The following DALRD3 variants were observed in gnomAD, a reference collection of about 807,000 sequenced individuals.
DALRD3 encodes the protein DALR anticodon-binding domain-containing protein 3.
In DALRD3, 47 loss-of-function variants were observed where a neutral mutation model predicts 56.7. The observed-to-expected ratio is 0.83, with a 90% CI of 0.66 to 1.06. The LOEUF (loss-of-function observed/expected upper bound fraction) is 1.06, where lower values mean the gene tolerates loss of function less well. Ranked by LOEUF, DALRD3 falls within the 50% of genes least tolerant of loss-of-function variation. The probability of loss-of-function intolerance (pLI) is 0.00; values close to 1 mark genes in which losing one functional copy is unlikely to be tolerated. For missense variants in DALRD3, 787 were observed against 724.0 expected (o/e 1.09, Z -1.00); for synonymous variants, 347 against 308.5 (o/e 1.12, Z -1.31).
chr3:49,016,555 A>C lies in DALRD3; in HGVS notation c.1064-44T>G, dbSNP rs2093075290. ...GGTCAGTCAGTCTGCAGGCAAGGGC[A>C]GGGATGCAAAAAACCTGCCCCTAAC... On this transcript the variant is annotated intron_variant, in intron 7 of 11. Coordinates refer to ENST00000341949, the MANE Select transcript of DALRD3 (RefSeq NM_001009996.3). The C allele has an allele frequency of 3.1e-6, 5 of 1,600,848 alleles. No individual in the cohort carries two copies. The South Asian group carries it at 5.6e-5, about 18-fold the overall frequency.
In DALRD3 at chr3:49,016,229, T is replaced by C. The variant is rs1231399464; in HGVS notation, c.1258A>G (p.Ser420Gly). The C allele has an allele frequency of 6.2e-7, 1 of 1,614,180 alleles. No individual in the cohort carries two copies. The highest frequency in any genetic ancestry group is 1.1e-5 in the South Asian group (1 of 91,086). The stretch of plus-strand genomic sequence containing the variant: ...GTGGGGTACAGACCTTGTTCCATAC[T>C]ACACTTGTAACTCTCAAAGAGTGTG... Reference protein sequence around the residue: ...LATLFESYKCSMEQGLYPTFP... With the variant: ...LATLFESYKCGMEQGLYPTFP... Residue 420 changes from serine to glycine, a missense_variant, in exon 9 of 12, where the codon AGT (serine) becomes GGT (glycine). Ser to Gly is a moderately conservative substitution (Grantham distance 56). Coordinates refer to ENST00000341949, the MANE Select transcript of DALRD3 (RefSeq NM_001009996.3).
At chr3:49,017,902 C>G (rs2093108762) in intron 2 of DALRD3, 33 bp from the exon 3 acceptor site, 5 of 1,576,218 alleles carry the variant, frequency 3.2e-6, no homozygotes, top group Non-Finnish European at 3.4e-6. Flanking sequence ...TCAGTCTGAG[C>G]ACCTGGTCCA....
chr3:49,019,747 T>A (rs1354427041), upstream of DALRD3, among the ~76,000 whole-genome samples: 1 of 152,226 alleles, frequency 6.6e-6, no homozygotes, highest in Non-Finnish European at 1.5e-5. Context: ...AGTGCTGGGA[T>A]TACAGGCGTG....
At chr3:49,018,790 G>A (rs564162910), upstream of DALRD3, 5 of 985,452 alleles carry the variant, frequency 5.1e-6, no homozygotes, top group South Asian at 1.9e-4. Context: ...CCCTCCCTGG[G>A]CCTAGGGTTC....
At chr3:49,018,659 T>G (rs1575296313), upstream of DALRD3, 1 of 1,437,556 alleles carries the variant, frequency 7.0e-7, no homozygotes, top group Non-Finnish European at 9.1e-7. Context: ...GCGGCGGTGG[T>G]CCCCGTAAGT....
In DALRD3 at chr3:49,017,298, T is replaced by A. The variant is rs780384004; in HGVS notation, c.857A>T (p.Glu286Val). ...GCLVVHVVSC[E>V]EEFQQQKLDL... Reference sequence around the variant, plus strand: ...CAACTTCTGTTGCTGGAACTCCTCCTCACAGCTAACAACATGTACAACCAG... The same window carrying A: ...CAACTTCTGTTGCTGGAACTCCTCCACACAGCTAACAACATGTACAACCAG... The change falls in exon 5 of 12, where the codon GAG (glutamate) becomes GTG (valine). Residue 286 changes from glutamate (E) to valine (V), a missense_variant. Coordinates refer to ENST00000341949, the MANE Select transcript of DALRD3 (RefSeq NM_001009996.3). The A allele has an allele frequency of 6.2e-7, 1 of 1,614,210 alleles. No homozygotes were observed. The highest frequency in any genetic ancestry group is 8.5e-7 in the Non-Finnish European group (1 of 1,180,042).
chr3:49,020,862 T>C (rs1442908406), upstream of DALRD3: 1 of 301,444 alleles, frequency 3.3e-6, no homozygotes, highest in East Asian at 9.2e-5. Flanking sequence ...CACAGAACAA[T>C]AGAAGGGGAG....
chr3:49,018,055 G>C lies in DALRD3; in HGVS notation c.429C>G (p.Ala143=). The C allele has an allele frequency of 6.7e-7, 1 of 1,490,626 alleles. No homozygotes were observed. Among genetic ancestry groups the C allele is most frequent in the Non-Finnish European group, 8.8e-7 (1 of 1,130,640 alleles). 92.3% of individuals were successfully genotyped at this position (1,490,626 alleles called of 1,614,324 possible). A position where few individuals can be genotyped will look rare whatever the true frequency, so the allele number is the denominator to read the frequency against. The stretch of plus-strand genomic sequence containing the variant: ...CGCGCAGGGCTCGCGCCAGGTGATC[G>C]GCCACGAGCACCGTACGCAGCTGGC... The part of the protein sequence containing the change: ...RLSQLRTVLV[A]DHLARALRAH... The change falls in exon 2 of 12, where the codon GCC becomes GCG. Residue 143 remains alanine, a synonymous_variant. Transcript: ENST00000341949.
At position 49,016,629 on chromosome 3, in the gene DALRD3, C is replaced by T. The variant is rs1174219459; in HGVS notation, c.1046G>A (p.Gly349Asp). 2 of 1,586,944 alleles carry T rather than the reference C, an allele frequency of 1.3e-6. No homozygotes were observed. Among genetic ancestry groups the T allele is most frequent in the African/African-American group, 2.7e-5 (2 of 74,330 alleles). The change falls in exon 7 of 12, where the codon GGT (glycine) becomes GAT (aspartate). Residue 349 changes from glycine to aspartate, a missense_variant. Gly to Asp is a moderately conservative substitution (Grantham distance 94). Coordinates refer to ENST00000341949, the MANE Select transcript of DALRD3 (RefSeq NM_001009996.3). The stretch of plus-strand genomic sequence containing the variant: ...AGGCACACCTTGTGCCAGATCCCCA[C>T]CATGCTTCAGTGCTGAGGCCTTGCA... ...QVCKASALKHGGDLAQDPAWT... is the reference protein window; with the variant it reads ...QVCKASALKHDGDLAQDPAWT...
chr3:49,018,550 G>A lies in DALRD3; in HGVS notation c.15C>T (p.Arg5=). The change falls in exon 1 of 12, where the codon CGC becomes CGT. Residue 5 remains arginine (R), a synonymous_variant. Transcript: ENST00000341949. ...CCCCCAGCGTCTCCCCGACCCCAAGGCGCCTGGTCGCCATGGTGACCGGAA... is the reference window on the plus strand; with the variant it reads ...CCCCCAGCGTCTCCCCGACCCCAAGACGCCTGGTCGCCATGGTGACCGGAA... The part of the protein sequence containing the change: MATR[R]LGVGETLGAL... 1.9e-6 allele frequency: 3 copies of A among 1,575,158 alleles called. No individual in the cohort carries two copies. The highest frequency in any genetic ancestry group is 2.6e-6 in the Non-Finnish European group (3 of 1,162,070).
upstream of DALRD3, chr3:49,018,618 C>G (rs952081061): frequency 6.7e-7 from 1 of 1,487,220 alleles, no homozygotes; most frequent in Non-Finnish European, 8.9e-7. Context: ...GGTGGAACTT[C>G]CGGAAAGGAC....
rs2093083063 is a variant in DALRD3 at position 49,016,783 on chromosome 3, TCAGG to T, written c.988_991del (p.Pro330SerfsTer16). Reference sequence around the variant, plus strand: ...TCCCAGCCTCACTCACTCGTAGTACTCAGGGGCAGTCATCAGAGTGCCAGGTGCA... The same window carrying T: ...TCCCAGCCTCACTCACTCGTAGTACTGGCAGTCATCAGAGTGCCAGGTGCA... On this transcript the variant is annotated frameshift_variant, in exon 6 of 12. Coordinates refer to ENST00000341949, the MANE Select transcript of DALRD3 (RefSeq NM_001009996.3). LOFTEE classifies it high-confidence loss of function. 6.2e-7 allele frequency: 1 copy of T among 1,614,186 alleles called. No homozygotes were observed. The highest frequency in any genetic ancestry group is 8.5e-7 in the Non-Finnish European group (1 of 1,180,020).
rs200991249 is a variant in DALRD3 at position 49,017,455 on chromosome 3, G to A, written c.777C>T (p.Pro259=). ...AELQEALWHW[P]EDSHPGLAGA... is the part of the protein sequence containing the mutation. ...TAACCAGGCCTGGGTGGCTGTCCTCGGGCCAATGCCATAGAGCCTCTTGCA... is the reference window on the plus strand; with the variant it reads ...TAACCAGGCCTGGGTGGCTGTCCTCAGGCCAATGCCATAGAGCCTCTTGCA... The change falls in exon 4 of 12, where the codon CCC becomes CCT. Residue 259 remains proline, a synonymous_variant. Coordinates refer to ENST00000341949, the MANE Select transcript of DALRD3 (RefSeq NM_001009996.3). 1.4e-5 allele frequency: 23 copies of A among 1,614,010 alleles called. No individual in the cohort carries two copies. The highest frequency in any genetic ancestry group is 6.7e-5 in the East Asian group (3 of 44,898).
intron 8 of DALRD3, 24 bp from the exon 9 acceptor site, chr3:49,016,364 A>G: frequency 6.2e-7 from 1 of 1,604,604 alleles, no homozygotes; most frequent in East Asian, 2.2e-5. Flanking sequence ...GCACAGCTGC[A>G]GAGAGAGAAG....
chr3:49,017,498 A>G lies in DALRD3; in HGVS notation c.734T>C (p.Leu245Pro), dbSNP rs1212437666. Residue 245 changes from leucine to proline, a missense_variant, in exon 4 of 12, where the codon CTC (leucine) becomes CCC (proline). By Grantham distance (98) the Leu-to-Pro change is moderately conservative. Coordinates refer to ENST00000341949, the MANE Select transcript of DALRD3 (RefSeq NM_001009996.3). ...LDNCLVTEDL[L>P]SVLAELQEAL... ...CTCTTGCAGCTCAGCCAGCACAGAG[A>G]GGAGATCCTCAGTCACTGAAAAGAG... 1.2e-6 allele frequency: 2 copies of G among 1,614,158 alleles called. No homozygotes were observed. The highest frequency in any genetic ancestry group is 1.1e-5 in the South Asian group (1 of 91,070).
In DALRD3 at chr3:49,016,328, G is replaced by T; in HGVS notation, c.1159C>A (p.Leu387Met). The T allele has an allele frequency of 6.2e-7, 1 of 1,607,432 alleles. No individual in the cohort carries two copies. The highest frequency in any genetic ancestry group is 8.5e-7 in the Non-Finnish European group (1 of 1,174,704). The change falls in exon 9 of 12, where the codon CTG becomes ATG. Residue 387 changes from leucine (L) to methionine (M), a missense_variant. By Grantham distance (15) the Leu-to-Met change is conservative. Transcript: ENST00000341949. ...TTCGTGGAGATACTGCTGTCAGCCA[G>T]AGCCAGGAAGAGCTGGGGAATAGAA... ...TAPQSQLFLA[L>M]ADSSISTKGT...
rs770285953 is a variant in DALRD3, at chr3:49,016,251, T to A, written c.1236A>T (p.Thr412=). 1 of 1,613,680 alleles carries A rather than the reference T, an allele frequency of 6.2e-7. No homozygotes were observed. The highest frequency in any genetic ancestry group is 8.5e-7 in the Non-Finnish European group (1 of 1,179,882). The change falls in exon 9 of 12, where the codon ACA becomes ACT. Residue 412 remains threonine, a synonymous_variant. Coordinates refer to ENST00000341949, the MANE Select transcript of DALRD3 (RefSeq NM_001009996.3). ...TACTACACTTGTAACTCTCAAAGAG[T>A]GTGGCAAGACGGGCACAATTATACA... The part of the protein sequence containing the change: ...FVMYNCARLA[T]LFESYKCSME...
chr3:49,018,796 G>A, upstream of DALRD3: 2 of 985,474 alleles, frequency 2.0e-6, no homozygotes, highest in Non-Finnish European at 2.4e-6. Flanking sequence ...CTGGGCCTAG[G>A]GTTCTTTCGC....
chr3:49,018,574 A>C lies in DALRD3; in HGVS notation c.-10T>G. ...GGCGCCTGGTCGCCATGGTGACCGG[A>C]AGGAGTAAGCGGAACCGGAAAAAAA... On this transcript the variant is annotated 5_prime_UTR_variant, in exon 1 of 12. Transcript: ENST00000341949. 1 of 1,563,490 alleles carries C rather than the reference A, an allele frequency of 6.4e-7. No homozygotes were observed. Among genetic ancestry groups the C allele is most frequent in the Non-Finnish European group, 8.6e-7 (1 of 1,156,928 alleles).
Sources: gnomAD v4.1 joint callset for allele counts (sites outside exome capture counted in the v4.1 genomes callset) on GRCh38, gnomAD v4.1.1 for gene constraint, MANE v1.5 for transcripts, NCBI Gene and HGNC (gene_info 2026-07-23, HGNC 2026-07-21) for gene names.